Variants in EEA1 observed in about 807,000 individuals in gnomAD.
EEA1 encodes the protein early endosome antigen 1.
In EEA1, 111 loss-of-function variants were observed where a neutral mutation model predicts 209.2. That is an observed-to-expected ratio of 0.53 (90% CI 0.45 to 0.62). The LOEUF is 0.62. Among genes scored for constraint, EEA1 ranks in the 20% least tolerant of loss-of-function variants. The pLI is 0.00. For synonymous variants in EEA1, 536 were observed against 540.6 expected, an observed-to-expected ratio of 0.99 and a Z score of 0.12; for missense variants, 1,343 against 1,530.8, an observed-to-expected ratio of 0.88 and a Z score of 2.05.
chr12:92,895,998 G>A (rs553074022), intron 1 of EEA1, among the ~76,000 whole-genome samples: 2 of 150,616 alleles, frequency 1.3e-5, no homozygotes, highest in South Asian at 2.1e-4. Context: ...TTCTTGAGAC[G>A]GACTTTTGCT....
chr12:92,877,012 C>A (rs1878927520), intron 2 of EEA1, among the ~76,000 whole-genome samples: 1 of 150,458 alleles, frequency 6.6e-6, no homozygotes, highest in African/African-American at 2.4e-5. Flanking sequence ...GGCACGAACT[C>A]AGCTCACTGC....
chr12:92,874,666 G>GT (rs970591440), intron 2 of EEA1, among the ~76,000 whole-genome samples: 2 of 152,170 alleles, frequency 1.3e-5, no homozygotes, highest in African/African-American at 4.8e-5. Flanking sequence ...GTGCCCAGCT[G>GT]TTTTGTTATT....
chr12:92,928,913 C>T lies in EEA1; in HGVS notation c.24+130G>A. ...CGCCCCCGGGCCGGGCGACCGAGGC[C>T]TAAGCGCCTGCCGGGCTGTGGGGCC... is the stretch of plus-strand genomic sequence containing the variant. On this transcript the variant is annotated intron_variant, in intron 1 of 28. Transcript: ENST00000322349. 3.0e-6 allele frequency: 3 copies of T among 989,728 alleles called. No individual in the cohort carries two copies. The South Asian group carries it at 5.4e-5, about 18-fold the overall frequency. The allele number at this position is 989,728 out of a possible 1,614,324, so 61.3% of individuals were successfully genotyped here.
chr12:92,826,335 C>T, intron 12 of EEA1, 50 bp from the exon 13 acceptor site: 1 of 1,528,564 alleles, frequency 6.5e-7, no homozygotes, highest in Non-Finnish European at 9.0e-7. Context: ...ATAATGCTAT[C>T]ATTCATAAGT....
At chr12:92,923,218 G>A (rs540591154) in intron 1 of EEA1, among the ~76,000 whole-genome samples, 72 of 151,824 alleles carry the variant, frequency 4.7e-4, no homozygotes, top group African/African-American at 1.7e-3. Flanking sequence ...CACGGTGGTG[G>A]GCGCCTGTAG....
chr12:92,856,048 T>C (rs910953953), intron 5 of EEA1, among the ~76,000 whole-genome samples: 1 of 152,220 alleles, frequency 6.6e-6, no homozygotes, highest in African/African-American at 2.4e-5. Flanking sequence ...TTTGTTTTTG[T>C]CTTTTTCAGT....
At chr12:92,892,842 C>T (rs1304732770) in intron 1 of EEA1, among the ~76,000 whole-genome samples, 5 of 152,084 alleles carry the variant, frequency 3.3e-5, no homozygotes, top group Admixed American at 2.6e-4. Context: ...GTTGGCCAGG[C>T]TGTTCTCGAA....
At chr12:92,837,544 A>G (rs945208478) in intron 10 of EEA1, among the ~76,000 whole-genome samples, 2 of 152,180 alleles carry the variant, frequency 1.3e-5, no homozygotes, top group Non-Finnish European at 2.9e-5. Flanking sequence ...CCAATGACCT[A>G]TATTATATTG....
chr12:92,868,074 G>T (rs968468954), intron 2 of EEA1, among the ~76,000 whole-genome samples: 7 of 152,200 alleles, frequency 4.6e-5, no homozygotes, highest in Admixed American at 2.6e-4. Context: ...GGGCACAACA[G>T]GTGATAAATG....
chr12:92,857,580 T>C, intron 3 of EEA1, 95 bp from the exon 4 acceptor site: 1 of 724,090 alleles, frequency 1.4e-6, no homozygotes, highest in Non-Finnish European at 2.1e-6. Flanking sequence ...ATATTAATAT[T>C]ATAGTTTTTT....
chr12:92,921,749 T>G, intron 1 of EEA1, among the ~76,000 whole-genome samples: 1 of 34,322 alleles, frequency 2.9e-5, no homozygotes, highest in Non-Finnish European at 5.9e-5. Context: ...TAAAGTATAA[T>G]AAAAAAAAAG....
chr12:92,876,615 C>T (rs1878898255), intron 2 of EEA1, among the ~76,000 whole-genome samples: 2 of 152,000 alleles, frequency 1.3e-5, no homozygotes, highest in Admixed American at 6.6e-5. Context: ...TAAATTTCTG[C>T]AGTTTATAAG....
chr12:92,854,957 C>A (rs1422541142), intron 5 of EEA1, among the ~76,000 whole-genome samples: 4 of 152,164 alleles, frequency 2.6e-5, no homozygotes, highest in Non-Finnish European at 5.9e-5. Context: ...ATTTCTCTCC[C>A]TTTTAAGCAC....
At chr12:92,901,426 T>C (rs1289581958) in intron 1 of EEA1, among the ~76,000 whole-genome samples, 1 of 152,004 alleles carries the variant, frequency 6.6e-6, no homozygotes, top group Non-Finnish European at 1.5e-5. Context: ...ACAATAATCC[T>C]AGTAAATATA....
intron 27 of EEA1, 138 bp from the exon 28 acceptor site, chr12:92,777,080 C>T: frequency 1.4e-6 from 1 of 711,644 alleles, no homozygotes; most frequent in South Asian, 2.0e-5. Context: ...ATCAGAAATA[C>T]ACTGGTCAGC....
intron 3 of EEA1, among the ~76,000 whole-genome samples, chr12:92,859,553 T>C (rs145731655): frequency 1.3e-4 from 20 of 152,338 alleles, no homozygotes; most frequent in Non-Finnish European, 2.9e-4. Context: ...TCTTCGGTGT[T>C]TTGTTGGGCT....
intron 22 of EEA1, among the ~76,000 whole-genome samples, chr12:92,785,478 GA>G (rs1290009098): frequency 6.6e-6 from 1 of 152,042 alleles, no homozygotes; most frequent in Non-Finnish European, 1.5e-5. Context: ...TGAAGCAAAA[GA>G]AAAATAATAA....
At chr12:92,891,567 A>G in intron 2 of EEA1, 62 bp downstream of exon 2, 1 of 1,272,002 alleles carries the variant, frequency 7.9e-7, no homozygotes, top group South Asian at 1.4e-5. Context: ...CAATCGTTAC[A>G]CCAAATATTT....
chr12:92,798,987 G>T lies in EEA1; in HGVS notation c.2872C>A (p.Gln958Lys). Reference protein sequence around the residue: ...KQNEKEEQQLQGNINELKQSS... With the variant: ...KQNEKEEQQLKGNINELKQSS... ...TGCTTTAGCTCATTTATGTTCCCCT[G>T]AAGTTGTTGCTCTTCTTTTTCATTT... The change falls in exon 21 of 29, where the codon CAG becomes AAG. Residue 958 changes from glutamine to lysine, a missense_variant. Physicochemically the swap from Gln to Lys is moderately conservative, Grantham distance 53. Around this residue, in one of 3 missense-constraint regions of EEA1, gnomAD observed 1,307 missense variants for 1,465.5 expected, o/e 0.89. Coordinates refer to ENST00000322349, the MANE Select transcript of EEA1 (RefSeq NM_003566.4). The T allele has an allele frequency of 6.2e-7, 1 of 1,613,028 alleles. No homozygotes were observed. The highest frequency in any genetic ancestry group is 8.5e-7 in the Non-Finnish European group (1 of 1,179,574).
Sources: allele counts gnomAD v4.1 joint callset (sites outside exome capture counted in the v4.1 genomes callset), GRCh38; gene constraint gnomAD v4.1.1; regional missense constraint gnomAD v4.1.1; transcripts MANE v1.5; gene names NCBI Gene and HGNC (gene_info 2026-07-23, HGNC 2026-07-21).